LOXHD1: variants seen among roughly 807,000 people sequenced by gnomAD.
LOXHD1 encodes lipoxygenase homology PLAT domains 1, also known as lipoxygenase homology domain-containing protein 1.
In LOXHD1, 205 loss-of-function variants were observed where a neutral mutation model predicts 248.2. The observed-to-expected ratio is 0.83, with a 90% CI of 0.74 to 0.93. The LOEUF is 0.93. Ranked by LOEUF, LOXHD1 falls within the 40% of genes least tolerant of loss-of-function variation. The pLI is 0.00. For synonymous variants in LOXHD1, 1,113 were observed against 1,162.8 expected (o/e 0.96, Z 0.87); for missense variants, 2,930 against 2,971.6 (o/e 0.99, Z 0.33).
chr18:46,613,275 A>G (rs2038535376), intron 5 of LOXHD1, among the ~76,000 whole-genome samples: 1 of 152,144 alleles, frequency 6.6e-6, no homozygotes, highest in Non-Finnish European at 1.5e-5. Flanking sequence ...TCCTTCAATA[A>G]AAATTTATAG....
chr18:46,533,468 G>T, intron 27 of LOXHD1, 144 bp from the exon 28 acceptor site: 1 of 802,192 alleles, frequency 1.2e-6, no homozygotes, highest in Non-Finnish European at 1.9e-6. Flanking sequence ...AGAGCCCCTT[G>T]CCCCAATTTC....
At position 46,593,612 on chromosome 18, in the gene LOXHD1, G is replaced by A. The variant is rs545358723; in HGVS notation, c.1419C>T (p.Ile473=). The A allele has an allele frequency of 2.6e-5, 40 of 1,552,146 alleles. No individual in the cohort carries two copies. In the South Asian group the frequency reaches 3.8e-4, roughly 15 times the overall value. The part of the protein sequence containing the change: ...PNNKWFKPGI[I]EKFRIELPDL... ...AATCCTCTCCTACCCTAAACTTCTC[G>A]ATTATGCCGGGTTTGAACCACTTGT... is the stretch of plus-strand genomic sequence containing the variant. The change falls in exon 10 of 41, where the codon ATC becomes ATT. Residue 473 remains isoleucine, a synonymous_variant. Transcript: ENST00000642948.
At chr18:46,569,901 C>T (rs1190338680) in intron 15 of LOXHD1, among the ~76,000 whole-genome samples, 1 of 152,140 alleles carries the variant, frequency 6.6e-6, no homozygotes, top group East Asian at 1.9e-4. Flanking sequence ...GGGCTTAGAG[C>T]AGGAAAGCGT....
chr18:46,480,655 T>A lies in LOXHD1; in HGVS notation c.6342-2703A>T, dbSNP rs569651181. 2.0e-3 allele frequency among the ~76,000 whole-genome samples: 309 copies of A among 152,124 alleles called. 1 individual carries two copies. Among genetic ancestry groups the A allele is most frequent in the Non-Finnish European group, 3.4e-3 (233 of 67,986 alleles). Reference sequence around the variant, plus strand: ...CTCCTGCTAGAAAGGGGGGAAGGTGTCCAGCCAGAGTAAAGGCAAAAGCAG... The same window carrying A: ...CTCCTGCTAGAAAGGGGGGAAGGTGACCAGCCAGAGTAAAGGCAAAAGCAG... On this transcript the variant is annotated intron_variant, in intron 40 of 40. Transcript: ENST00000642948.
rs963202921 is a variant in LOXHD1, at chr18:46,610,904, C to A, written c.631G>T (p.Glu211Ter). 2.6e-6 allele frequency: 4 copies of A among 1,551,768 alleles called. No individual in the cohort carries two copies. In the Admixed American group the frequency reaches 7.8e-5, roughly 30 times the overall value. ...GDTGERRLEN[E>*]KDNFEKGAED... ...GCTCCCTTTTCAAAGTTGTCCTTTTCATTTTCTAGCCTACGCTCCCCTGTA... is the reference window on the plus strand; with the variant it reads ...GCTCCCTTTTCAAAGTTGTCCTTTTAATTTTCTAGCCTACGCTCCCCTGTA... The change falls in exon 6 of 41, where the codon GAA (glutamate) becomes TAA (stop). Residue 211 changes from glutamate (E) to a stop codon, truncating the protein, a stop_gained. Coordinates refer to ENST00000642948, the MANE Select transcript of LOXHD1 (RefSeq NM_001384474.1). LOFTEE classifies it high-confidence loss of function.
At chr18:46,502,449 G>A (rs566023559) in intron 37 of LOXHD1, among the ~76,000 whole-genome samples, 61 of 152,254 alleles carry the variant, frequency 4.0e-4, no homozygotes, top group Middle Eastern at 3.4e-3. Flanking sequence ...TCTTGGATCC[G>A]CAACTCTCTA....
chr18:46,577,214 C>T lies in LOXHD1; in HGVS notation c.1970+493G>A, dbSNP rs2037875532. On this transcript the variant is annotated intron_variant, in intron 14 of 40. Coordinates refer to ENST00000642948, the MANE Select transcript of LOXHD1 (RefSeq NM_001384474.1). ...AGGGACTTCTTTAAGTCAATGGGAGCCCAAATGCTTAAGCAAAAAGAGAAA... is the reference window on the plus strand; with the variant it reads ...AGGGACTTCTTTAAGTCAATGGGAGTCCAAATGCTTAAGCAAAAAGAGAAA... 5.9e-5 allele frequency among the ~76,000 whole-genome samples: 9 copies of T among 152,050 alleles called. No individual in the cohort carries two copies. In the South Asian group the frequency reaches 1.9e-3, roughly 32 times the overall value.
intron 21 of LOXHD1, among the ~76,000 whole-genome samples, chr18:46,553,485 G>T (rs11660277): frequency 0.67 from 102,276 of 152,110 alleles, 35,784 homozygotes; most frequent in Non-Finnish European, 0.79. Context: ...TGAGCAGCTA[G>T]TTAACCCCCA....
chr18:46,546,692 A>G (rs977310353), intron 22 of LOXHD1, among the ~76,000 whole-genome samples: 1 of 152,076 alleles, frequency 6.6e-6, no homozygotes, highest in African/African-American at 2.4e-5. Flanking sequence ...TGTGCTTTAT[A>G]CTGCCTTACA....
intron 17 of LOXHD1, among the ~76,000 whole-genome samples, chr18:46,564,252 G>T (rs1441127213): frequency 6.6e-6 from 1 of 152,154 alleles, no homozygotes; most frequent in Non-Finnish European, 1.5e-5. Flanking sequence ...CAGGCACGGT[G>T]GTTCAGGCCT....
intron 37 of LOXHD1, among the ~76,000 whole-genome samples, chr18:46,502,398 A>G (rs1394179162): frequency 6.6e-6 from 1 of 152,184 alleles, no homozygotes; most frequent in Non-Finnish European, 1.5e-5. Context: ...TCAGATTTGG[A>G]TAAGATGGAG....
At chr18:46,612,298 T>C (rs1465820599) in intron 5 of LOXHD1, among the ~76,000 whole-genome samples, 1 of 152,204 alleles carries the variant, frequency 6.6e-6, no homozygotes, top group African/African-American at 2.4e-5. Flanking sequence ...GTTTATTAGA[T>C]GTTGCAAAAT....
At chr18:46,544,988 T>A in intron 23 of LOXHD1, 2 of 489,946 alleles carry the variant, frequency 4.1e-6, no homozygotes, top group East Asian at 6.1e-5. Flanking sequence ...GAGCAAAGGC[T>A]CCTGAACAAC....
intron 21 of LOXHD1, 27 bp from the exon 22 acceptor site, chr18:46,547,085 G>A: frequency 1.9e-6 from 3 of 1,551,570 alleles, no homozygotes. Flanking sequence ...GGAAAGATTG[G>A]AATGTCCTCT....
Position 46,592,587 on chromosome 18 carries a change from A to G in LOXHD1, c.1432-3T>C, listed in dbSNP as rs868129460. 1.4e-5 allele frequency: 22 copies of G among 1,550,530 alleles called. No individual in the cohort carries two copies. In the Middle Eastern group the frequency reaches 1.2e-3, roughly 82 times the overall value. On this transcript the variant is annotated splice_region_variant and splice_polypyrimidine_tract_variant and intron_variant, in intron 10 of 40. Coordinates refer to ENST00000642948, the MANE Select transcript of LOXHD1 (RefSeq NM_001384474.1). ...CTGCCAAGATCCGGGAGCTCAATCT[A>G]TGGTGAGAAATAAAAACATTTGAGT... is the stretch of plus-strand genomic sequence containing the variant.
chr18:46,610,746 C>T, intron 6 of LOXHD1, 30 bp downstream of exon 6: 1 of 1,534,546 alleles, frequency 6.5e-7, no homozygotes. Context: ...TCCAAGGCCA[C>T]AGGGACTGCA....
At chr18:46,547,613 C>T (rs2036906254) in intron 21 of LOXHD1, among the ~76,000 whole-genome samples, 1 of 152,060 alleles carries the variant, frequency 6.6e-6, no homozygotes, top group African/African-American at 2.4e-5. Flanking sequence ...TAACACCCAG[C>T]ACAAGGGAGG....
intron 8 of LOXHD1, among the ~76,000 whole-genome samples, chr18:46,597,491 C>T (rs994092227): frequency 3.7e-4 from 56 of 150,900 alleles, no homozygotes; most frequent in African/African-American, 1.3e-3. Context: ...AATTGTTCTA[C>T]AATAAGAAAT....
intron 4 of LOXHD1, among the ~76,000 whole-genome samples, chr18:46,635,001 AG>A (rs1404232780): frequency 4.6e-5 from 7 of 152,160 alleles, no homozygotes; most frequent in Non-Finnish European, 7.3e-5. Context: ...TAACAGAGTC[AG>A]GGAGGCCCCT....
Sources: gnomAD v4.1 joint callset for allele counts (sites outside exome capture counted in the v4.1 genomes callset) on GRCh38, gnomAD v4.1.1 for gene constraint, MANE v1.5 for transcripts, NCBI Gene and HGNC (gene_info 2026-07-23, HGNC 2026-07-21) for gene names.